KCNC4: variants seen among roughly 807,000 people sequenced by gnomAD.
The protein encoded by KCNC4 is potassium voltage-gated channel subfamily C member 4, also known as voltage-gated potassium channel KCNC4.
Under a neutral mutation model 42.8 loss-of-function variants are expected in KCNC4, and 23 were observed. The observed-to-expected ratio is 0.54, with a 90% CI of 0.39 to 0.76. KCNC4 has a LOEUF of 0.76. Ranked by LOEUF, KCNC4 falls within the 30% of genes least tolerant of loss-of-function variation. The pLI is 0.00. For missense variants in KCNC4, 751 were observed against 898.2 expected, an observed-to-expected ratio of 0.84 and a Z score of 2.10; for synonymous variants, 422 against 393.5, an observed-to-expected ratio of 1.07 and a Z score of -0.86.
intron 3 of KCNC4, among the ~76,000 whole-genome samples, chr1:110,231,499 AGC>A (rs1301684510): frequency 1.3e-5 from 2 of 152,268 alleles, no homozygotes; most frequent in South Asian, 4.1e-4. Context: ...GACACTTGAC[AGC>A]CTTGCTGTGA....
At position 110,215,941 on chromosome 1, in the gene KCNC4, C is replaced by G. The variant is rs576384836; in HGVS notation, c.678+3764C>G. Among the ~76,000 whole-genome samples, 9 of 152,352 alleles carry G rather than the reference C, an allele frequency of 5.9e-5. No homozygotes were observed. The South Asian group carries it at 1.7e-3, about 28-fold the overall frequency. ...CTGGTTTCCAGAGGGTGGCCCCTCA[C>G]TGGAGAGCTTCTTCCTCCACTCTGC... On this transcript the variant is annotated intron_variant, in intron 1 of 3. Transcript: ENST00000438661.
exon 4 of KCNC4, chr1:110,242,333 C>T (rs557928480): frequency 6.6e-6 from 1 of 152,212 alleles, no homozygotes; most frequent in Non-Finnish European, 1.5e-5. Flanking sequence ...CTGTGAGCCT[C>T]CCACCCACCC....
intron 1 of KCNC4, among the ~76,000 whole-genome samples, chr1:110,266,829 C>T (rs112453501): frequency 0.057 from 8,730 of 152,210 alleles, 832 homozygotes; most frequent in African/African-American, 0.2. Context: ...CTGTGTTCCC[C>T]GGACCCGAGG....
At chr1:110,266,420 C>A (rs1236582691) in intron 1 of KCNC4, among the ~76,000 whole-genome samples, 1 of 152,222 alleles carries the variant, frequency 6.6e-6, no homozygotes, top group Non-Finnish European at 1.5e-5. Flanking sequence ...GCAAGAATTT[C>A]TGCAAGGTTT....
intron 1 of KCNC4, chr1:110,222,627 C>A: frequency 3.8e-6 from 1 of 262,918 alleles, no homozygotes; most frequent in Non-Finnish European, 7.3e-6. Flanking sequence ...TAACAAGATT[C>A]CCATTGCAGC....
exon 4 of KCNC4, chr1:110,246,107 C>G (rs1659140088): frequency 6.6e-6 from 1 of 152,206 alleles, no homozygotes; most frequent in South Asian, 2.1e-4. Context: ...AGTGGCTAAG[C>G]TAATGCCAAA....
intron 1 of KCNC4, among the ~76,000 whole-genome samples, chr1:110,269,267 A>G (rs932298151): frequency 7.2e-5 from 11 of 152,174 alleles, no homozygotes; most frequent in African/African-American, 1.9e-4. Flanking sequence ...CACCACCACA[A>G]TCAAGATACA....
chr1:110,278,582 G>A (rs551129657), intron 1 of KCNC4, among the ~76,000 whole-genome samples: 1 of 152,204 alleles, frequency 6.6e-6, no homozygotes, highest in East Asian at 1.9e-4. Context: ...TCTTCCCTTT[G>A]GTGTGAGTAT....
At chr1:110,212,297 TC>T (rs1297686123) in intron 1 of KCNC4, 120 bp downstream of exon 1, 20 of 1,088,812 alleles carry the variant, frequency 1.8e-5, no homozygotes, top group Non-Finnish European at 2.3e-5. Context: ...CGCAGATTGT[TC>T]CCGCCTTCCT....
chr1:110,253,248 T>G (rs1433760966), downstream of KCNC4, among the ~76,000 whole-genome samples: 1 of 152,244 alleles, frequency 6.6e-6, no homozygotes, highest in African/African-American at 2.4e-5. Context: ...GGCACTTCAT[T>G]GTTGTCTGTT....
intron 1 of KCNC4, among the ~76,000 whole-genome samples, chr1:110,275,875 T>C (rs1659711005): frequency 6.7e-6 from 1 of 148,546 alleles, no homozygotes; most frequent in African/African-American, 2.5e-5. Context: ...GGAGAATCAC[T>C]TGGACCCGGG....
At chr1:110,267,664 C>T (rs1659563785) in intron 1 of KCNC4, among the ~76,000 whole-genome samples, 1 of 152,178 alleles carries the variant, frequency 6.6e-6, no homozygotes, top group African/African-American at 2.4e-5. Context: ...TCTTAATCCT[C>T]CTTGCCCCAC....
At chr1:110,257,377 T>A (rs1237732864) in intron 1 of KCNC4, among the ~76,000 whole-genome samples, 1 of 151,574 alleles carries the variant, frequency 6.6e-6, no homozygotes, top group Non-Finnish European at 1.5e-5. Context: ...CCTGTCTAGT[T>A]CTAAAATAAA....
intron 1 of KCNC4, among the ~76,000 whole-genome samples, chr1:110,255,781 G>A (rs1248206928): frequency 6.6e-6 from 1 of 152,212 alleles, no homozygotes; most frequent in Non-Finnish European, 1.5e-5. Context: ...CGATGGCAGA[G>A]GTCCCTGGCA....
intron 1 of KCNC4, among the ~76,000 whole-genome samples, chr1:110,212,464 C>T (rs1386380694): frequency 6.6e-6 from 1 of 152,194 alleles, no homozygotes; most frequent in Non-Finnish European, 1.5e-5. Context: ...GTGCCCAGCT[C>T]AGCTCCTCCA....
downstream of KCNC4, chr1:110,283,106 C>T (rs1659858871): frequency 6.6e-6 from 1 of 152,096 alleles, no homozygotes; most frequent in Admixed American, 6.6e-5. Context: ...TGGACATGTG[C>T]AAAGAGGTAA....
rs759363747 is a variant in KCNC4 at position 110,223,825 on chromosome 1, T to C, written c.1540T>C (p.Ser514Pro). 6.2e-7 allele frequency: 1 copy of C among 1,613,012 alleles called. No individual in the cohort carries two copies. The highest frequency in any genetic ancestry group is 1.1e-5 in the South Asian group (1 of 91,002). ...SPMYCKSEETSPRDSTCSDTS... is the reference protein window; with the variant it reads ...SPMYCKSEETPPRDSTCSDTS... ...CATGTACTGCAAGTCTGAGGAGACT[T>C]CCCCCCGGGACAGCACCTGCAGTGA... Residue 514 changes from serine (S) to proline (P), a missense_variant, in exon 2 of 4, where the codon TCC (serine) becomes CCC (proline). Around this residue, in one of 4 missense-constraint regions of KCNC4, gnomAD observed 202 missense variants for 181.5 expected, o/e 1.11. Transcript: ENST00000438661. The surrounding 1 kb of genome is among the most constrained non-coding windows in gnomAD (Gnocchi z 7.5).
exon 4 of KCNC4, chr1:110,240,859 G>C (rs1484742428): frequency 6.6e-6 from 1 of 152,522 alleles, no homozygotes; most frequent in South Asian, 2.1e-4. Context: ...ACCATGCCAG[G>C]CAGCCACAGT....
exon 4 of KCNC4, chr1:110,241,597 G>A (rs814324): frequency 0.75 from 113,613 of 152,142 alleles, 42,720 homozygotes; most frequent in South Asian, 0.79. Flanking sequence ...GACGTGGAGC[G>A]CAAAAGAGAA....
Sources: gnomAD v4.1 joint callset for allele counts (sites outside exome capture counted in the v4.1 genomes callset) on GRCh38, gnomAD v4.1.1 for gene constraint, gnomAD v4.1.1 regional missense constraint, Gnocchi (gnomAD v3.1) non-coding constraint, MANE v1.5 for transcripts, NCBI Gene and HGNC (gene_info 2026-07-23, HGNC 2026-07-21) for gene names.